Variants in RNF144A observed in about 807,000 individuals in gnomAD.
The protein encoded by RNF144A is ring finger protein 144A.
In RNF144A, 11 loss-of-function variants were observed where a neutral mutation model predicts 38.7. The ratio of observed to expected loss-of-function variants is 0.28; its 90% CI spans 0.18 to 0.47. RNF144A has a LOEUF of 0.47. Ranked by LOEUF, RNF144A falls within the 20% of genes least tolerant of loss-of-function variation. The probability of loss-of-function intolerance (pLI) is 0.99; values close to 1 mark genes in which losing one functional copy is unlikely to be tolerated. For missense variants in RNF144A, 316 were observed against 377.2 expected, an observed-to-expected ratio of 0.84 and a Z score of 1.34; for synonymous variants, 149 against 143.9, an observed-to-expected ratio of 1.04 and a Z score of -0.25.
chr2:7,006,356 C>T (rs971731534), intron 3 of RNF144A, among the ~76,000 whole-genome samples: 1 of 152,124 alleles, frequency 6.6e-6, no homozygotes, highest in Non-Finnish European at 1.5e-5. Context: ...CAGTTTGTAA[C>T]CTGATGACAC....
At chr2:6,976,580 A>G in intron 2 of RNF144A, among the ~76,000 whole-genome samples, 2 of 148,716 alleles carry the variant, frequency 1.3e-5, no homozygotes, top group South Asian at 4.2e-4. Context: ...AATTTCATAT[A>G]TATAAAACTA....
chr2:6,964,825 T>TG, intron 2 of RNF144A, among the ~76,000 whole-genome samples: 1 of 137,746 alleles, frequency 7.3e-6, no homozygotes, highest in East Asian at 2.1e-4. Context: ...TGTTGTGGGG[T>TG]CGGGGAGGGG....
chr2:6,974,625 C>A (rs1344595852), intron 2 of RNF144A, among the ~76,000 whole-genome samples: 3 of 151,952 alleles, frequency 2.0e-5, no homozygotes, highest in Non-Finnish European at 4.4e-5. Context: ...GTAAGTCAGA[C>A]TTTACTTAAT....
chr2:6,928,054 A>C (rs998054297), intron 1 of RNF144A, among the ~76,000 whole-genome samples: 2 of 152,114 alleles, frequency 1.3e-5, no homozygotes, highest in Admixed American at 6.5e-5. Context: ...CACGTCCTAC[A>C]TGCCTTGAGG....
In RNF144A at chr2:7,020,637, T is replaced by G. The variant is rs762202377; in HGVS notation, c.466T>G (p.Cys156Gly). The change falls in exon 6 of 9, where the codon TGC becomes GGC. Residue 156 changes from cysteine to glycine, a missense_variant. Coordinates refer to ENST00000320892, the MANE Select transcript of RNF144A (RefSeq NM_014746.6). ...AGCCAGCTGGCACCCTGGCCAGGGC[T>G]GCCCGGAGACCATGCCGATCACCTT... ...CKASWHPGQG[C>G]PETMPITFLP... 1 of 1,607,818 alleles carries G rather than the reference T, an allele frequency of 6.2e-7. No individual in the cohort carries two copies. The highest frequency in any genetic ancestry group is 1.1e-5 in the South Asian group (1 of 91,086).
intron 8 of RNF144A, among the ~76,000 whole-genome samples, chr2:7,031,300 G>A (rs72783719): frequency 0.058 from 8,763 of 152,290 alleles, 368 homozygotes; most frequent in Middle Eastern, 0.17. Context: ...GGGTACTGCT[G>A]TAGGAGCTGG....
intron 7 of RNF144A, among the ~76,000 whole-genome samples, chr2:7,026,400 A>G (rs1206877799): frequency 6.6e-6 from 1 of 152,176 alleles, no homozygotes; most frequent in Non-Finnish European, 1.5e-5. Flanking sequence ...CTTTAGCTCA[A>G]GTCCTCAAGG....
At chr2:6,959,642 A>G (rs1002901204) in intron 2 of RNF144A, among the ~76,000 whole-genome samples, 2 of 152,296 alleles carry the variant, frequency 1.3e-5, no homozygotes, top group East Asian at 3.9e-4. Flanking sequence ...AAAGAAAACC[A>G]AAGTGGCTTC....
rs534234728 is a variant in RNF144A at position 7,016,028 on chromosome 2, C to T, written c.301+1256C>T. On this transcript the variant is annotated intron_variant, in intron 5 of 8. Coordinates refer to ENST00000320892, the MANE Select transcript of RNF144A (RefSeq NM_014746.6). ...AAAGAAATGCTAGAGATAGCTGGGC[C>T]CAGTGGCATGTACCTATAGTCTCAA... Among the ~76,000 whole-genome samples, 10 of 150,744 alleles carry T rather than the reference C, an allele frequency of 6.6e-5. No homozygotes were observed. The East Asian group carries it at 1.8e-3, about 26-fold the overall frequency.
intron 2 of RNF144A, among the ~76,000 whole-genome samples, chr2:6,973,970 G>C (rs942199580): frequency 3.3e-5 from 5 of 152,202 alleles, no homozygotes; most frequent in African/African-American, 9.6e-5. Context: ...CACTGTTACT[G>C]GACTTCAGGA....
chr2:6,973,186 A>G (rs536526159), intron 2 of RNF144A, among the ~76,000 whole-genome samples: 2 of 152,238 alleles, frequency 1.3e-5, no homozygotes, highest in South Asian at 2.1e-4. Context: ...CGATTTGCCT[A>G]CGTGGTTGAG....
At chr2:6,939,276 C>G (rs1400646381) in intron 1 of RNF144A, among the ~76,000 whole-genome samples, 4 of 152,196 alleles carry the variant, frequency 2.6e-5, no homozygotes, top group South Asian at 2.1e-4. Context: ...TCTAGCCATC[C>G]TAGTGGGTGT....
Position 6,990,144 on chromosome 2 carries a change from C to G in RNF144A, c.-11-6772C>G, listed in dbSNP as rs529724383. Among the ~76,000 whole-genome samples, 3 of 152,226 alleles carry G rather than the reference C, an allele frequency of 2.0e-5. No homozygotes were observed. In the South Asian group the frequency reaches 6.2e-4, roughly 32 times the overall value. On this transcript the variant is annotated intron_variant, in intron 2 of 8. Transcript: ENST00000320892. ...GGCTGAAACAACAGAAATTTATTTT[C>G]TTGCAGTTCTGGAGGCTGGAAGTCT... is the stretch of plus-strand genomic sequence containing the variant.
At chr2:7,028,728 C>T (rs1014782950) in intron 7 of RNF144A, among the ~76,000 whole-genome samples, 2 of 152,114 alleles carry the variant, frequency 1.3e-5, no homozygotes, top group Non-Finnish European at 2.9e-5. Flanking sequence ...GGAGAGAGCT[C>T]ACAGTGATGG....
rs377307461 is a variant in RNF144A, at chr2:6,962,850, C to T, written c.-12+21703C>T. 5.9e-5 allele frequency among the ~76,000 whole-genome samples: 9 copies of T among 152,282 alleles called. No individual in the cohort carries two copies. The South Asian group carries it at 1.0e-3, about 18-fold the overall frequency. ...ATGACTGGCCCAGCCTTGCTGGTCTCCATGGTTTATGCCATCATGATGCCA... is the reference window on the plus strand; with the variant it reads ...ATGACTGGCCCAGCCTTGCTGGTCTTCATGGTTTATGCCATCATGATGCCA... On this transcript the variant is annotated intron_variant, in intron 2 of 8. Transcript: ENST00000320892. The surrounding 1 kb of genome is among the most constrained non-coding windows in gnomAD (Gnocchi z 4.1).
intron 3 of RNF144A, among the ~76,000 whole-genome samples, chr2:7,001,007 A>T (rs1200125342): frequency 6.6e-6 from 1 of 152,168 alleles, no homozygotes; most frequent in Non-Finnish European, 1.5e-5. Flanking sequence ...TAACTTAAAA[A>T]TGTAACATTT....
intron 1 of RNF144A, among the ~76,000 whole-genome samples, chr2:6,926,706 A>G (rs989562349): frequency 1.3e-5 from 2 of 152,222 alleles, no homozygotes; most frequent in Admixed American, 1.3e-4. Context: ...ATTTGTTGAA[A>G]TGAATCTGCG....
At chr2:6,961,069 C>T (rs1206999926) in intron 2 of RNF144A, among the ~76,000 whole-genome samples, 11 of 151,636 alleles carry the variant, frequency 7.3e-5, no homozygotes, top group Admixed American at 7.2e-4. Context: ...CTTTCTTGTA[C>T]TTACATGGTT....
chr2:6,985,445 T>C (rs756379340), intron 2 of RNF144A, among the ~76,000 whole-genome samples: 42 of 152,240 alleles, frequency 2.8e-4, no homozygotes, highest in African/African-American at 8.4e-4. Context: ...AGGAACCTAA[T>C]TCTGGTTTGC....
Sources: allele counts gnomAD v4.1 joint callset (sites outside exome capture counted in the v4.1 genomes callset), GRCh38; gene constraint gnomAD v4.1.1; non-coding constraint Gnocchi (gnomAD v3.1); transcripts MANE v1.5; gene names NCBI Gene and HGNC (gene_info 2026-07-23, HGNC 2026-07-21).